The following SPATA31H1 variants were observed in gnomAD, a reference collection of about 807,000 sequenced individuals.
SPATA31H1 encodes spermatogenesis-associated protein 31H1.
At chr2:27,547,052 T>C in the SPATA31H1 span, among the ~76,000 whole-genome samples, 1 of 151,992 alleles carries the variant, frequency 6.6e-6, no homozygotes, top group Non-Finnish European at 1.5e-5. Context: ...TACATGTGGG[T>C]CTATTTCGGG....
chr2:27,544,505 T>A, the SPATA31H1 span, among the ~76,000 whole-genome samples: 1 of 151,766 alleles, frequency 6.6e-6, no homozygotes, highest in South Asian at 2.1e-4. Context: ...CATAATGTGT[T>A]TGAGATTCAT....
chr2:27,541,321 C>T, the SPATA31H1 span, among the ~76,000 whole-genome samples: 3 of 151,354 alleles, frequency 2.0e-5, no homozygotes, highest in South Asian at 6.2e-4. Flanking sequence ...GGCAGGGAGG[C>T]TGCAGTGAGC....
At chr2:27,569,259 C>CA in the SPATA31H1 span, 1 of 398,988 alleles carries the variant, frequency 2.5e-6, no homozygotes, top group Non-Finnish European at 4.4e-6. Context: ...GCCACAGCCC[C>CA]ATGATATGAA....
At chr2:27,580,491 A>C in the SPATA31H1 span, 2 of 1,614,180 alleles carry the variant, frequency 1.2e-6, no homozygotes, top group African/African-American at 1.3e-5. Flanking sequence ...CTACACAAAC[A>C]GTAGAACCAC....
At chr2:27,576,752 G>A in the SPATA31H1 span, 2 of 1,613,992 alleles carry the variant, frequency 1.2e-6, no homozygotes, top group Admixed American at 1.7e-5. Context: ...AACAGGATGT[G>A]AAATCTTTGG....
At chr2:27,563,205 C>A in the SPATA31H1 span, among the ~76,000 whole-genome samples, 3 of 151,844 alleles carry the variant, frequency 2.0e-5, no homozygotes, top group Non-Finnish European at 4.4e-5. Flanking sequence ...TTATGTCTGA[C>A]GTAGAATGTC....
At chr2:27,561,015 C>T in the SPATA31H1 span, among the ~76,000 whole-genome samples, 55 of 152,108 alleles carry the variant, frequency 3.6e-4, no homozygotes, top group Non-Finnish European at 8.8e-5. Flanking sequence ...TTTGAGGTTC[C>T]ATTTGCATGT....
At chr2:27,577,872 G>C in the SPATA31H1 span, 26 of 1,614,152 alleles carry the variant, frequency 1.6e-5, no homozygotes, top group East Asian at 2.2e-5. This position sits in a 1 kb window ranked among gnomAD's most constrained non-coding sequence, Gnocchi z 4.5. Flanking sequence ...TGAAGAATCT[G>C]TAGAGCTCAC....
At chr2:27,552,707 C>G in the SPATA31H1 span, among the ~76,000 whole-genome samples, 1 of 151,900 alleles carries the variant, frequency 6.6e-6, no homozygotes, top group African/African-American at 2.4e-5. Context: ...TTAAATATTC[C>G]AATCCATGAA....
chr2:27,578,849 G>A, the SPATA31H1 span: 5 of 1,613,938 alleles, frequency 3.1e-6, no homozygotes, highest in Non-Finnish European at 2.5e-6. Context: ...CTGGGATACA[G>A]GAAGTATCCA....
At chr2:27,578,461 A>G in the SPATA31H1 span, 1 of 1,614,098 alleles carries the variant, frequency 6.2e-7, no homozygotes, top group African/African-American at 1.3e-5. Flanking sequence ...GAAGCAATAA[A>G]TTGTGTGGAT....
chr2:27,562,842 G>T, the SPATA31H1 span, among the ~76,000 whole-genome samples: 1 of 148,406 alleles, frequency 6.7e-6, no homozygotes, highest in African/African-American at 2.5e-5. Context: ...AGCTGAGATC[G>T]CGCCACTGCA....
chr2:27,563,557 A>G, the SPATA31H1 span, among the ~76,000 whole-genome samples: 1 of 147,766 alleles, frequency 6.8e-6, no homozygotes, highest in Admixed American at 6.7e-5. Context: ...CACCACACCC[A>G]GCTAATTTTT....
chr2:27,556,081 G>A, the SPATA31H1 span, among the ~76,000 whole-genome samples: 1,085 of 146,872 alleles, frequency 7.4e-3, 14 homozygotes, highest in African/African-American at 0.027. Flanking sequence ...GCAGTGAGCC[G>A]AGATCGCGCC....
chr2:27,574,795 A>G, the SPATA31H1 span: 5 of 398,416 alleles, frequency 1.3e-5, no homozygotes, highest in African/African-American at 8.2e-5. Flanking sequence ...CCACAGTGGC[A>G]AGATACAAAA....
the SPATA31H1 span, among the ~76,000 whole-genome samples, chr2:27,558,930 AGAG>A: frequency 5.0e-5 from 1 of 20,084 alleles, no homozygotes. Flanking sequence ...AGGGGGAGGG[AGAG>A]GGAGAGGGAG....
chr2:27,561,081 T>C, the SPATA31H1 span, among the ~76,000 whole-genome samples: 13 of 152,198 alleles, frequency 8.5e-5, no homozygotes, highest in African/African-American at 3.1e-4. Context: ...CAGTGGCTCA[T>C]GCACTTCAGG....
At chr2:27,567,315 C>T in the SPATA31H1 span, 12 of 549,258 alleles carry the variant, frequency 2.2e-5, no homozygotes, top group African/African-American at 5.6e-5. Flanking sequence ...TTTTGCTTTG[C>T]GGCAACAAAC....
the SPATA31H1 span, chr2:27,571,649 G>A: frequency 7.5e-6 from 3 of 398,432 alleles, no homozygotes; most frequent in Non-Finnish European, 8.9e-6. Flanking sequence ...CGCTTCAAAG[G>A]CCTCAGCTAC....
Sources: allele counts gnomAD v4.1 joint callset (sites outside exome capture counted in the v4.1 genomes callset), GRCh38; gene constraint gnomAD v4.1.1; non-coding constraint Gnocchi (gnomAD v3.1); transcripts MANE v1.5; gene names NCBI Gene and HGNC (gene_info 2026-07-23, HGNC 2026-07-21).